The following ANKFN1 variants were observed in gnomAD, a reference collection of about 807,000 sequenced individuals.
ANKFN1 encodes the protein ankyrin repeat and fibronectin type III domain containing 1.
ANKFN1 carries 74 observed loss-of-function variants against 108.7 expected under a neutral mutation model. The ratio of observed to expected loss-of-function variants is 0.68; its 90% confidence interval spans 0.56 to 0.83. ANKFN1 has a LOEUF of 0.83. Ranked by LOEUF, ANKFN1 falls within the 40% of genes least tolerant of loss-of-function variation. The pLI is 0.00. For synonymous variants in ANKFN1, 547 were observed against 516.2 expected (o/e 1.06, Z -0.81); for missense variants, 1,505 against 1,382.3 (o/e 1.09, Z -1.41).
intron 4 of ANKFN1, among the ~76,000 whole-genome samples, chr17:56,148,114 T>C (rs1479410623): frequency 6.6e-6 from 1 of 152,204 alleles, no homozygotes; most frequent in Admixed American, 6.5e-5. Context: ...AAAACTCTTT[T>C]TTCTTGTAGC....
chr17:56,275,255 C>A (rs1048861831), intron 3 of ANKFN1, among the ~76,000 whole-genome samples: 3 of 151,218 alleles, frequency 2.0e-5, no homozygotes, highest in Admixed American at 1.3e-4. Context: ...TTTAACCCTG[C>A]TAAAAATTGG....
rs146110171 is a variant in ANKFN1, at chr17:56,272,481, T to C, written c.53+44524T>C. Among the ~76,000 whole-genome samples the C allele has an allele frequency of 9.0e-4, 137 of 152,326 alleles. 1 individual carries two copies. The highest frequency in any genetic ancestry group is 3.1e-3 in the African/African-American group (128 of 41,576). On this transcript the variant is annotated intron_variant, in intron 3 of 20. Coordinates refer to ENST00000682825, the MANE Select transcript of ANKFN1 (RefSeq NM_001370326.1). Reference sequence around the variant, plus strand: ...GTTAGCATAAGGTCCCCAAAGTTCATCCACATTATAGCATGTGTCAGGATT... The same window carrying C: ...GTTAGCATAAGGTCCCCAAAGTTCACCCACATTATAGCATGTGTCAGGATT...
At chr17:56,275,085 A>G (rs1427859716) in intron 3 of ANKFN1, among the ~76,000 whole-genome samples, 3 of 152,068 alleles carry the variant, frequency 2.0e-5, no homozygotes, top group Non-Finnish European at 4.4e-5. Flanking sequence ...ACGCCCCACC[A>G]CAGGCATCAT....
intron 7 of ANKFN1, 76 bp downstream of exon 7, chr17:56,372,916 ATT>A (rs879682665): frequency 7.1e-7 from 1 of 1,400,154 alleles, no homozygotes. Flanking sequence ...TCTTTTACAG[ATT>A]TTTTTTTTCA....
At chr17:56,486,050 C>A (rs2050845772) in intron 18 of ANKFN1, among the ~76,000 whole-genome samples, 1 of 152,220 alleles carries the variant, frequency 6.6e-6, no homozygotes, top group African/African-American at 2.4e-5. Flanking sequence ...GCAAATTCAA[C>A]TGTGCCTGTC....
At chr17:56,409,636 T>C (rs1049759213) in intron 8 of ANKFN1, among the ~76,000 whole-genome samples, 1 of 152,204 alleles carries the variant, frequency 6.6e-6, no homozygotes. Context: ...TCAGCATCTC[T>C]TTAACTGAGA....
At chr17:56,199,614 C>T (rs930056756) in intron 1 of ANKFN1, among the ~76,000 whole-genome samples, 5 of 152,136 alleles carry the variant, frequency 3.3e-5, no homozygotes, top group African/African-American at 1.2e-4. Flanking sequence ...ATTCCAGCAT[C>T]TCTCTGTGTC....
At chr17:56,056,489 G>C (rs1904880155) in intron 4 of ANKFN1, among the ~76,000 whole-genome samples, 1 of 151,850 alleles carries the variant, frequency 6.6e-6, no homozygotes, top group South Asian at 2.1e-4. Flanking sequence ...TAGATCAATG[G>C]GACAGAATAG....
chr17:56,282,488 A>G (rs2044109748), intron 3 of ANKFN1, among the ~76,000 whole-genome samples: 1 of 152,154 alleles, frequency 6.6e-6, no homozygotes, highest in African/African-American at 2.4e-5. Flanking sequence ...TTCAAAAACC[A>G]TTTTTGTGAA....
At chr17:56,117,225 C>T (rs1171595524) in intron 4 of ANKFN1, among the ~76,000 whole-genome samples, 1 of 152,154 alleles carries the variant, frequency 6.6e-6, no homozygotes, top group Non-Finnish European at 1.5e-5. Flanking sequence ...GGGCCAAGCA[C>T]ATGGCCCTCA....
At chr17:56,291,054 T>A (rs1025690366) in intron 3 of ANKFN1, among the ~76,000 whole-genome samples, 3 of 152,164 alleles carry the variant, frequency 2.0e-5, no homozygotes, top group Admixed American at 6.5e-5. Flanking sequence ...TTAAAAGTAT[T>A]ATTTCTAGTT....
rs2051875432 is a variant in ANKFN1 at position 56,514,961 on chromosome 17, A to G, written c.*3692A>G. Among the ~76,000 whole-genome samples the G allele has an allele frequency of 6.6e-6, 1 of 152,094 alleles. No homozygotes were observed. Among genetic ancestry groups the G allele is most frequent in the Non-Finnish European group, 1.5e-5 (1 of 67,994 alleles). On this transcript the variant is annotated 3_prime_UTR_variant, in exon 21 of 21. Transcript: ENST00000682825. ...TGAGTTTGGAGCTCTTCCCTTGAAG[A>G]TAACTCTGTTAGACGAGGAGGCATC...
rs184605683 is a variant in ANKFN1 at position 56,333,408 on chromosome 17, A to G, written c.188+7053A>G. ...AAATCCAATTGCTTTTTATGAATCC[A>G]TAGAGATAATCATATAGTTTTTCCT... On this transcript the variant is annotated intron_variant, in intron 4 of 20. Transcript: ENST00000682825. 4.0e-3 allele frequency among the ~76,000 whole-genome samples: 612 copies of G among 152,288 alleles called. 6 individuals are homozygous for G. The highest frequency in any genetic ancestry group is 0.014 in the African/African-American group (591 of 41,586).
chr17:56,057,550 C>A (rs1904900800), intron 4 of ANKFN1, among the ~76,000 whole-genome samples: 1 of 152,178 alleles, frequency 6.6e-6, no homozygotes, highest in Non-Finnish European at 1.5e-5. Context: ...CTTTGAGAGG[C>A]AGAGGCGGGC....
chr17:56,291,525 T>G lies in ANKFN1; in HGVS notation c.54-34696T>G, dbSNP rs116362869. On this transcript the variant is annotated intron_variant, in intron 3 of 20. Transcript: ENST00000682825. ...GCCTTATGGTATTATTTATTTATTA[T>G]GATGATGATTATGATTCATCCCAGC... is the stretch of plus-strand genomic sequence containing the variant. 7.7e-3 allele frequency among the ~76,000 whole-genome samples: 1,178 copies of G among 152,332 alleles called. 5 individuals carry two copies. Among genetic ancestry groups the G allele is most frequent in the South Asian group, 0.013 (62 of 4,828 alleles).
intron 1 of ANKFN1, 137 bp downstream of exon 1, chr17:56,153,667 G>C: frequency 8.4e-7 from 1 of 1,194,650 alleles, no homozygotes; most frequent in Non-Finnish European, 1.2e-6. Context: ...GTCAGGCAGA[G>C]GGAAAGCTGG....
rs965424286 is a variant in ANKFN1 at position 56,436,837 on chromosome 17, C to CAA, written c.911-3473_911-3472dup. On this transcript the variant is annotated intron_variant, in intron 8 of 20. Transcript: ENST00000682825. ...AGGCAACAAGAGCGAAACTCCATCT[C>CAA]AAAAAAAAAAAAAAAAAAGAATTCC... 2.8e-4 allele frequency among the ~76,000 whole-genome samples: 22 copies of CAA among 79,136 alleles called. No individual in the cohort carries two copies. The East Asian group carries it at 5.3e-3, about 19-fold the overall frequency. 51.9% of individuals were successfully genotyped at this position (79,136 alleles called of 152,430 possible).
chr17:56,254,468 CTG>C (rs1292971451), intron 3 of ANKFN1, among the ~76,000 whole-genome samples: 1 of 152,216 alleles, frequency 6.6e-6, no homozygotes, highest in Non-Finnish European at 1.5e-5. Context: ...TTGTGAATGA[CTG>C]TGCTTCCTTT....
intron 4 of ANKFN1, among the ~76,000 whole-genome samples, chr17:56,330,244 G>GCTCACAATC (rs1447520210): frequency 5.1e-5 from 3 of 59,126 alleles, no homozygotes; most frequent in Admixed American, 2.4e-4. Context: ...TCACAATCAT[G>GCTCACAATC]GCAGAAGGCA....
Sources: gnomAD v4.1 joint callset for allele counts (sites outside exome capture counted in the v4.1 genomes callset) on GRCh38, gnomAD v4.1.1 for gene constraint, MANE v1.5 for transcripts, NCBI Gene and HGNC (gene_info 2026-07-23, HGNC 2026-07-21) for gene names.